The following UIMC1 variants were observed in gnomAD, a reference collection of about 807,000 sequenced individuals.
UIMC1 encodes the protein BRCA1-A complex subunit RAP80.
UIMC1 carries 42 observed loss-of-function variants against 84.9 expected under a neutral mutation model. The observed-to-expected ratio is 0.49, with a 90% CI of 0.39 to 0.64. The LOEUF (loss-of-function observed/expected upper bound fraction) is 0.64. UIMC1 is among the 30% of genes least tolerant of loss of function. The pLI, the probability that UIMC1 is intolerant of heterozygous loss-of-function variation, is 0.00. For missense variants in UIMC1, 825 were observed against 847.6 expected (o/e 0.97, Z 0.33); for synonymous variants, 281 against 293.0 (o/e 0.96, Z 0.42).
At chr5:176,957,875 T>C (rs561109738) in intron 7 of UIMC1, among the ~76,000 whole-genome samples, 11 of 152,234 alleles carry the variant, frequency 7.2e-5, no homozygotes, top group Non-Finnish European at 1.6e-4. Context: ...CTGGACAAGA[T>C]GACCTCTAGG....
At chr5:177,013,863 G>A (rs1186626774) in intron 1 of UIMC1, among the ~76,000 whole-genome samples, 2 of 152,056 alleles carry the variant, frequency 1.3e-5, no homozygotes, top group Non-Finnish European at 2.9e-5. Flanking sequence ...TTGTGAAGTG[G>A]TATCTACCAG....
chr5:176,985,607 GT>G (rs200571695), intron 1 of UIMC1, among the ~76,000 whole-genome samples: 1,627 of 151,874 alleles, frequency 0.011, 10 homozygotes, highest in South Asian at 0.025. Flanking sequence ...TTACCTACAA[GT>G]TTTTTTTCTT....
intron 2 of UIMC1, among the ~76,000 whole-genome samples, chr5:176,978,164 G>A (rs1418653104): frequency 2.6e-5 from 4 of 151,974 alleles, no homozygotes; most frequent in Non-Finnish European, 5.9e-5. Flanking sequence ...GAGGTCAGGA[G>A]ATCGAGACCA....
intron 1 of UIMC1, among the ~76,000 whole-genome samples, chr5:176,983,711 G>A (rs1266943552): frequency 6.6e-6 from 1 of 152,114 alleles, no homozygotes; most frequent in African/African-American, 2.4e-5. Flanking sequence ...AGGATGTGAG[G>A]AGCCCCTCTG....
At chr5:176,987,872 G>A (rs1772259920) in intron 1 of UIMC1, among the ~76,000 whole-genome samples, 1 of 151,406 alleles carries the variant, frequency 6.6e-6, no homozygotes, top group African/African-American at 2.4e-5. Context: ...AGAGTGGGCT[G>A]TAATCCCAAA....
At chr5:176,999,464 G>A (rs1409795084) in intron 1 of UIMC1, among the ~76,000 whole-genome samples, 2 of 151,750 alleles carry the variant, frequency 1.3e-5, no homozygotes, top group Non-Finnish European at 2.9e-5. Context: ...TTGACTATAA[G>A]TCATCCTATT....
chr5:176,986,872 G>A (rs895973203), intron 1 of UIMC1, among the ~76,000 whole-genome samples: 1 of 151,958 alleles, frequency 6.6e-6, no homozygotes, highest in Non-Finnish European at 1.5e-5. Flanking sequence ...AAACTATCAC[G>A]ATTTGCAGAT....
chr5:177,011,970 T>C (rs1295708977), intron 1 of UIMC1, among the ~76,000 whole-genome samples: 3 of 151,938 alleles, frequency 2.0e-5, no homozygotes, highest in South Asian at 2.1e-4. Flanking sequence ...CCAGCTAATT[T>C]TTTGTATTTT....
At chr5:176,949,047 T>C (rs1561804128) in intron 9 of UIMC1, among the ~76,000 whole-genome samples, 1 of 152,220 alleles carries the variant, frequency 6.6e-6, no homozygotes, top group Non-Finnish European at 1.5e-5. Context: ...ATTCTTTTAA[T>C]GTGTAATCTT....
intron 10 of UIMC1, among the ~76,000 whole-genome samples, chr5:176,916,788 T>C (rs1377815552): frequency 6.6e-6 from 1 of 152,216 alleles, no homozygotes; most frequent in Admixed American, 6.5e-5. Flanking sequence ...TTGGGTTAGA[T>C]CTTAGTCTTA....
At chr5:176,941,506 T>C (rs1764432023) in intron 10 of UIMC1, among the ~76,000 whole-genome samples, 1 of 152,222 alleles carries the variant, frequency 6.6e-6, no homozygotes, top group South Asian at 2.1e-4. Context: ...TACTTCCTTA[T>C]TTAATAACTA....
In UIMC1 at chr5:176,969,660, G is replaced by A. The variant is rs777990746; in HGVS notation, c.404C>T (p.Ala135Val). The change falls in exon 5 of 15, where the codon GCC becomes GTC. Residue 135 changes from alanine (A) to valine (V), a missense_variant. By Grantham distance (64) the Ala-to-Val change is moderately conservative (BLOSUM62 0). Coordinates refer to ENST00000511320, the MANE Select transcript of UIMC1 (RefSeq NM_001199298.2). ...DASATRSRPL[A>V]TGPSSQSHQE... ...ATGGGACTGGGAAGACGGTCCAGTG[G>A]CCAGAGGTCGAGATCTGGTAGCGGA... is the stretch of plus-strand genomic sequence containing the variant. The A allele has an allele frequency of 1.2e-6, 2 of 1,614,120 alleles. No individual in the cohort carries two copies. Among genetic ancestry groups the A allele is most frequent in the South Asian group, 2.2e-5 (2 of 91,072 alleles).
At chr5:176,969,314 A>G (rs764994451) in intron 5 of UIMC1, 23 bp from the exon 6 acceptor site, 7 of 1,579,946 alleles carry the variant, frequency 4.4e-6, no homozygotes, top group East Asian at 2.2e-5. Flanking sequence ...GAGAAAAAGT[A>G]GGGCTAAGGA....
chr5:177,013,293 G>A (rs1319856748), intron 1 of UIMC1, among the ~76,000 whole-genome samples: 7 of 151,100 alleles, frequency 4.6e-5, no homozygotes, highest in African/African-American at 1.2e-4. Context: ...CTCAGGAGGC[G>A]GAGGTTGCAG....
chr5:177,001,775 TAAA>T (rs1018686028), intron 1 of UIMC1, among the ~76,000 whole-genome samples: 17 of 124,358 alleles, frequency 1.4e-4, no homozygotes, highest in African/African-American at 1.5e-4. Context: ...CCGGCTCTAC[TAAA>T]AAAAAAAAAA....
chr5:176,954,184 G>A (rs1766271889), intron 8 of UIMC1, among the ~76,000 whole-genome samples: 1 of 152,130 alleles, frequency 6.6e-6, no homozygotes, highest in African/African-American at 2.4e-5. Flanking sequence ...GGCCTTTCAA[G>A]ATCAATATAT....
chr5:176,926,573 G>T (rs189583142), intron 10 of UIMC1, among the ~76,000 whole-genome samples: 123 of 151,914 alleles, frequency 8.1e-4, no homozygotes, highest in Non-Finnish European at 1.5e-3. Context: ...GGAGTTCAAG[G>T]TTACACTAAG....
rs189193789 is a variant in UIMC1 at position 177,002,999 on chromosome 5, T to G, written c.-9+3651A>C. On this transcript the variant is annotated intron_variant, in intron 1 of 14. Coordinates refer to ENST00000511320, the MANE Select transcript of UIMC1 (RefSeq NM_001199298.2). The stretch of plus-strand genomic sequence containing the variant: ...ATCTCCTCTAACTAAAACTGCTGCT[T>G]GATACAGGATACGCACCTATAAATA... Among the ~76,000 whole-genome samples the G allele has an allele frequency of 9.1e-3, 1,383 of 152,106 alleles. 7 individuals carry two copies. The highest frequency in any genetic ancestry group is 0.025 in the South Asian group (119 of 4,822).
At chr5:176,964,377 G>T (rs750673761) in intron 6 of UIMC1, among the ~76,000 whole-genome samples, 8 of 152,176 alleles carry the variant, frequency 5.3e-5, no homozygotes, top group Non-Finnish European at 8.8e-5. Flanking sequence ...AATACAAATT[G>T]TAACAGCCTT....
Sources: allele counts gnomAD v4.1 joint callset (sites outside exome capture counted in the v4.1 genomes callset), GRCh38; gene constraint gnomAD v4.1.1; transcripts MANE v1.5; gene names NCBI Gene and HGNC (gene_info 2026-07-23, HGNC 2026-07-21).